Variants in HOOK3 observed in about 807,000 individuals in gnomAD.
HOOK3 encodes hook microtubule tethering protein 3, also known as protein Hook homolog 3.
A neutral mutation model predicts 116.3 loss-of-function variants in HOOK3; 24 were observed. That is an observed-to-expected ratio of 0.21 (90% CI 0.15 to 0.29). The LOEUF (loss-of-function observed/expected upper bound fraction) is 0.29, where lower values mean the gene tolerates loss of function less well. HOOK3 is among the 10% of genes least tolerant of loss of function. HOOK3 has a pLI of 1.00. For synonymous variants in HOOK3, 275 were observed against 283.0 expected (o/e 0.97, Z 0.28); for missense variants, 632 against 830.2 (o/e 0.76, Z 2.93).
At chr8:42,932,482 C>T (rs541838834) in intron 4 of HOOK3, among the ~76,000 whole-genome samples, 5 of 152,166 alleles carry the variant, frequency 3.3e-5, no homozygotes, top group Non-Finnish European at 7.3e-5. Context: ...AGAGGAAATC[C>T]GAGCCATTAT....
At chr8:43,006,813 T>G (rs1809500594) in intron 17 of HOOK3, among the ~76,000 whole-genome samples, 1 of 151,674 alleles carries the variant, frequency 6.6e-6, no homozygotes, top group Non-Finnish European at 1.5e-5. Context: ...GTAAAGTGCT[T>G]TTTTTTAATT....
intron 17 of HOOK3, 121 bp from the exon 18 acceptor site, chr8:43,007,726 A>T: frequency 2.1e-6 from 1 of 475,350 alleles, no homozygotes. Context: ...CTTTTCATAT[A>T]TGTTTCATAT....
chr8:42,946,521 T>G (rs1808229588), intron 5 of HOOK3, among the ~76,000 whole-genome samples: 1 of 152,030 alleles, frequency 6.6e-6, no homozygotes, highest in African/African-American at 2.4e-5. Context: ...ACGATGAATT[T>G]TTTTTTTTAA....
chr8:43,002,435 G>A (rs149052590), intron 17 of HOOK3, among the ~76,000 whole-genome samples: 254 of 152,280 alleles, frequency 1.7e-3, no homozygotes, highest in African/African-American at 5.8e-3. Flanking sequence ...CTTTCTATAA[G>A]GGGTCAGATA....
At chr8:42,953,565 G>GA (rs1039325241) in intron 6 of HOOK3, among the ~76,000 whole-genome samples, 164 of 126,704 alleles carry the variant, frequency 1.3e-3, no homozygotes, top group Admixed American at 2.0e-3. Flanking sequence ...CTCCATCTCA[G>GA]AAAAAAAAAA....
chr8:43,000,504 C>CGAA (rs1296911032), intron 16 of HOOK3, among the ~76,000 whole-genome samples: 1 of 152,138 alleles, frequency 6.6e-6, no homozygotes, highest in Non-Finnish European at 1.5e-5. Context: ...TTCCCCATTC[C>CGAA]ACTCCTGTTC....
intron 6 of HOOK3, among the ~76,000 whole-genome samples, chr8:42,952,284 C>T (rs946863077): frequency 2.0e-5 from 3 of 152,168 alleles, no homozygotes; most frequent in East Asian, 1.9e-4. Context: ...AAATTAAATG[C>T]GTTTCTGGAT....
At chr8:42,901,743 G>A (rs1807193858) in intron 1 of HOOK3, among the ~76,000 whole-genome samples, 1 of 152,166 alleles carries the variant, frequency 6.6e-6, no homozygotes, top group African/African-American at 2.4e-5. Context: ...GTGGAGTCTT[G>A]CTCTGTTGCC....
chr8:42,913,731 T>C (rs1487482158), intron 2 of HOOK3, among the ~76,000 whole-genome samples: 1 of 152,234 alleles, frequency 6.6e-6, no homozygotes, highest in Admixed American at 6.5e-5. Flanking sequence ...CATTTACATT[T>C]ACATCAACAG....
At chr8:42,897,387 C>A (rs901065612) in intron 1 of HOOK3, 199 bp downstream of exon 1, 10 of 384,860 alleles carry the variant, frequency 2.6e-5, no homozygotes, top group Non-Finnish European at 4.6e-5. Flanking sequence ...CCGGGCGGAC[C>A]CCGGCCGGGG....
chr8:43,003,944 C>G (rs1481915798), intron 17 of HOOK3, among the ~76,000 whole-genome samples: 1 of 152,194 alleles, frequency 6.6e-6, no homozygotes, highest in Non-Finnish European at 1.5e-5. Flanking sequence ...TGTAAACACC[C>G]AATTTCCAAA....
chr8:42,968,309 C>T, intron 11 of HOOK3, 95 bp downstream of exon 11: 1 of 838,808 alleles, frequency 1.2e-6, no homozygotes, highest in Non-Finnish European at 1.9e-6. Context: ...TCATGGTATT[C>T]TGTTTTTTAC....
chr8:42,990,589 C>T (rs910835113), intron 15 of HOOK3, among the ~76,000 whole-genome samples: 2 of 151,954 alleles, frequency 1.3e-5, no homozygotes, highest in African/African-American at 2.4e-5. Flanking sequence ...AATCCACCCA[C>T]CTCAGCCTCC....
chr8:42,959,416 A>G (rs13279764), intron 8 of HOOK3, 102 bp downstream of exon 8: 7 of 752,620 alleles, frequency 9.3e-6, no homozygotes, highest in Non-Finnish European at 1.5e-5. Context: ...CTATAACGCA[A>G]CCCTTTTTTA....
At position 43,018,367 on chromosome 8, in the gene HOOK3, C is replaced by A; in HGVS notation, c.2026C>A (p.Leu676Met). The change falls in exon 22 of 22, where the codon CTG (leucine) becomes ATG (methionine). Residue 676 changes from leucine (L) to methionine (M), a missense_variant. By Grantham distance (15) the Leu-to-Met change is conservative (BLOSUM62 2). Transcript: ENST00000307602. The part of the protein sequence containing the change: ...VSAWYNMGMT[L>M]HKKAAEDRLA... The stretch of plus-strand genomic sequence containing the variant: ...TGTTTTAATGTTGCAGGGAATGACC[C>A]TGCATAAAAAGGCAGCTGAAGATAG... 6.3e-7 allele frequency: 1 copy of A among 1,599,226 alleles called. No individual in the cohort carries two copies. Among genetic ancestry groups the A allele is most frequent in the Non-Finnish European group, 8.5e-7 (1 of 1,175,596 alleles).
In HOOK3 at chr8:43,021,479, A is replaced by G. The variant is rs1482333835; in HGVS notation, c.*2981A>G. ...CCACCATGGCTGGCTAATTTTTGTA[A>G]TTTAGTAGAGATGGTGTTTCACCAT... On this transcript the variant is annotated 3_prime_UTR_variant, in exon 22 of 22. Coordinates refer to ENST00000307602, the MANE Select transcript of HOOK3 (RefSeq NM_032410.4). 5.9e-6 allele frequency: 1 copy of G among 168,526 alleles called. No homozygotes were observed. Among genetic ancestry groups the G allele is most frequent in the Non-Finnish European group, 1.3e-5 (1 of 77,964 alleles). 10.4% of individuals were successfully genotyped at this position (168,526 alleles called of 1,614,324 possible). A position where few individuals can be genotyped will look rare whatever the true frequency, so the allele number is the denominator to read the frequency against.
chr8:42,986,077 C>T (rs1809044791), intron 14 of HOOK3, among the ~76,000 whole-genome samples: 2 of 152,148 alleles, frequency 1.3e-5, no homozygotes, highest in Non-Finnish European at 2.9e-5. Context: ...TATATTGTCC[C>T]TGCAGTAAAT....
rs143048377 is a variant in HOOK3, at chr8:42,916,689, G to A, written c.144-8868G>A. ...GTATAATCCACACCTGTAGCTTAAA[G>A]GTGTCTAGCCAGTCACTAATCAATG... On this transcript the variant is annotated intron_variant, in intron 2 of 21. Transcript: ENST00000307602. 3.7e-3 allele frequency among the ~76,000 whole-genome samples: 570 copies of A among 152,226 alleles called. 4 individuals carry two copies. The highest frequency in any genetic ancestry group is 0.017 in the Middle Eastern group (5 of 294).
At chr8:42,919,081 GCGGGGGCTGCCCC>G (rs1272417741) in intron 2 of HOOK3, among the ~76,000 whole-genome samples, 4 of 150,928 alleles carry the variant, frequency 2.7e-5, no homozygotes, top group Non-Finnish European at 5.9e-5. Context: ...GGCTGGCCGG[GCGGGGGCTGCCCC>G]CCATCACCCA....
Sources: gnomAD v4.1 joint callset for allele counts (sites outside exome capture counted in the v4.1 genomes callset) on GRCh38, gnomAD v4.1.1 for gene constraint, MANE v1.5 for transcripts, NCBI Gene and HGNC (gene_info 2026-07-23, HGNC 2026-07-21) for gene names.